Variants in AP3B1 observed in about 807,000 individuals in gnomAD.
AP3B1 encodes adaptor related protein complex 3 subunit beta 1, also known as AP-3 complex subunit beta-1.
AP3B1 carries 61 observed loss-of-function variants against 132.5 expected under a neutral mutation model. The ratio of observed to expected loss-of-function variants is 0.46; its 90% confidence interval spans 0.37 to 0.57. The LOEUF is 0.57. Among genes scored for constraint, AP3B1 ranks in the 20% least tolerant of loss-of-function variants. The probability of loss-of-function intolerance (pLI) is 0.00; values close to 1 mark genes in which losing one functional copy is unlikely to be tolerated. For synonymous variants in AP3B1, 388 were observed against 438.3 expected, an observed-to-expected ratio of 0.89 and a Z score of 1.43; for missense variants, 1,120 against 1,289.4, an observed-to-expected ratio of 0.87 and a Z score of 2.01.
Position 78,250,435 on chromosome 5 carries a change from T to C in AP3B1, c.205-9499A>G, listed in dbSNP as rs1747582398. 2.0e-5 allele frequency among the ~76,000 whole-genome samples: 3 copies of C among 152,180 alleles called. No individual in the cohort carries two copies. In the South Asian group the frequency reaches 6.2e-4, roughly 32 times the overall value. On this transcript the variant is annotated intron_variant, in intron 2 of 26. Transcript: ENST00000255194. ...GTCCCACTCTATTCTAAATAGACAT[T>C]TGGTCTTCTAATACTTAATTTATTA...
chr5:78,106,700 T>C (rs547268705), intron 20 of AP3B1, among the ~76,000 whole-genome samples: 1 of 152,074 alleles, frequency 6.6e-6, no homozygotes, highest in African/African-American at 2.4e-5. Flanking sequence ...ATAGTGGCAG[T>C]AGGGAAAGAA....
intron 15 of AP3B1, among the ~76,000 whole-genome samples, chr5:78,131,854 A>C (rs1467030528): frequency 6.6e-6 from 1 of 152,168 alleles, no homozygotes; most frequent in Non-Finnish European, 1.5e-5. Context: ...AATTTTTCAA[A>C]AGGTAAAATT....
At chr5:78,183,759 C>G (rs1744472149) in intron 7 of AP3B1, among the ~76,000 whole-genome samples, 1 of 150,642 alleles carries the variant, frequency 6.6e-6, no homozygotes, top group African/African-American at 2.4e-5. Context: ...CCCAGCTACT[C>G]GAGAGGCTGA....
downstream of AP3B1, chr5:78,002,126 A>C (rs571421551): frequency 6.5e-6 from 1 of 153,032 alleles, no homozygotes; most frequent in South Asian, 2.1e-4. Context: ...TTTTGTTATT[A>C]AATACACCAA....
intron 15 of AP3B1, among the ~76,000 whole-genome samples, chr5:78,134,653 G>A (rs1561431169): frequency 6.6e-6 from 1 of 152,160 alleles, no homozygotes; most frequent in Non-Finnish European, 1.5e-5. Flanking sequence ...TGATTCTCCT[G>A]CCTCAGCCTC....
intron 7 of AP3B1, among the ~76,000 whole-genome samples, chr5:78,211,464 A>C (rs767747818): frequency 6.6e-6 from 1 of 152,218 alleles, no homozygotes; most frequent in Non-Finnish European, 1.5e-5. Context: ...TCTGCCCCTG[A>C]AGAAGCTTGT....
At chr5:78,284,069 G>A (rs1749169754) in intron 1 of AP3B1, among the ~76,000 whole-genome samples, 1 of 152,148 alleles carries the variant, frequency 6.6e-6, no homozygotes, top group South Asian at 2.1e-4. Flanking sequence ...TAAACCAGCA[G>A]TATCCAATAG....
intron 22 of AP3B1, among the ~76,000 whole-genome samples, chr5:78,056,089 G>A (rs1748801019): frequency 6.6e-6 from 1 of 152,008 alleles, no homozygotes; most frequent in African/African-American, 2.4e-5. Flanking sequence ...TATACTAATT[G>A]TAAGGAATTA....
intron 14 of AP3B1, among the ~76,000 whole-genome samples, chr5:78,149,660 T>C (rs1169676057): frequency 6.6e-6 from 1 of 152,148 alleles, no homozygotes; most frequent in African/African-American, 2.4e-5. Context: ...ATGATCCCCA[T>C]TGTACAGATG....
At chr5:78,155,222 ACTCTTGTT>A (rs576766483) in intron 14 of AP3B1, among the ~76,000 whole-genome samples, 9 of 151,938 alleles carry the variant, frequency 5.9e-5, no homozygotes, top group South Asian at 2.1e-4. Flanking sequence ...CCAGGCAGAG[ACTCTTGTT>A]CTCTTGTTCT....
intron 26 of AP3B1, among the ~76,000 whole-genome samples, chr5:78,005,944 G>C (rs577022817): frequency 1.3e-5 from 2 of 152,306 alleles, no homozygotes; most frequent in East Asian, 3.9e-4. Flanking sequence ...TATAAAGTCA[G>C]CGTGGGTCAG....
At chr5:78,016,432 A>G (rs1455158140) in intron 25 of AP3B1, among the ~76,000 whole-genome samples, 1 of 152,056 alleles carries the variant, frequency 6.6e-6, no homozygotes, top group Non-Finnish European at 1.5e-5. Context: ...ATTACAACAA[A>G]TGCCATCTAT....
At chr5:78,171,248 T>C (rs1662509423) in intron 11 of AP3B1, among the ~76,000 whole-genome samples, 1 of 152,148 alleles carries the variant, frequency 6.6e-6, no homozygotes, top group South Asian at 2.1e-4. Flanking sequence ...AACTTTAAAG[T>C]AGTTTTTTCC....
intron 22 of AP3B1, among the ~76,000 whole-genome samples, chr5:78,059,242 A>C (rs1017701241): frequency 6.6e-5 from 10 of 152,206 alleles, no homozygotes; most frequent in African/African-American, 2.4e-4. Context: ...TGAACCAAGG[A>C]ATGTGGGCTG....
rs146642350 is a variant in AP3B1 at position 78,082,537 on chromosome 5, T to C, written c.2577+6856A>G. The stretch of plus-strand genomic sequence containing the variant: ...TTTGGGAAAAGTATTATCTCCATTT[T>C]GTAAATTAAAAAACGGAAGTTTACG... On this transcript the variant is annotated intron_variant, in intron 22 of 26. Transcript: ENST00000255194. Among the ~76,000 whole-genome samples, 664 of 152,336 alleles carry C rather than the reference T, an allele frequency of 4.4e-3. 3 individuals are homozygous for C. Among genetic ancestry groups the C allele is most frequent in the African/African-American group, 0.015 (630 of 41,580 alleles).
intron 1 of AP3B1, among the ~76,000 whole-genome samples, chr5:78,280,610 A>G (rs1218618840): frequency 1.3e-5 from 2 of 152,196 alleles, no homozygotes; most frequent in African/African-American, 4.8e-5. Context: ...AGTAGAGGAA[A>G]TATAAGTTTT....
intron 13 of AP3B1, among the ~76,000 whole-genome samples, chr5:78,157,789 G>T (rs1205371413): frequency 6.6e-6 from 1 of 151,864 alleles, no homozygotes; most frequent in African/African-American, 2.4e-5. Flanking sequence ...TTGTTCTGTG[G>T]CCCAGGCTGG....
intron 2 of AP3B1, among the ~76,000 whole-genome samples, chr5:78,253,424 A>G (rs1747719982): frequency 6.6e-6 from 1 of 152,210 alleles, no homozygotes; most frequent in Non-Finnish European, 1.5e-5. Context: ...CTTCCCAAGA[A>G]AGATAAGCAT....
chr5:78,021,761 T>C (rs1319522963), intron 24 of AP3B1, among the ~76,000 whole-genome samples: 7 of 152,204 alleles, frequency 4.6e-5, no homozygotes, highest in Admixed American at 2.0e-4. Context: ...TTCATCCTCA[T>C]GGTTGCCACA....
Sources: gnomAD v4.1 joint callset for allele counts (sites outside exome capture counted in the v4.1 genomes callset) on GRCh38, gnomAD v4.1.1 for gene constraint, MANE v1.5 for transcripts, NCBI Gene and HGNC (gene_info 2026-07-23, HGNC 2026-07-21) for gene names.